PDE4D: variants seen among roughly 807,000 people sequenced by gnomAD.
The protein encoded by PDE4D is phosphodiesterase 4D, also known as 3',5'-cyclic-AMP phosphodiesterase 4D.
PDE4D carries 24 observed loss-of-function variants against 87.4 expected under a neutral mutation model. The observed-to-expected ratio is 0.27, with a 90% CI of 0.20 to 0.39. PDE4D has a LOEUF of 0.39. Ranked by LOEUF, PDE4D falls within the 10% of genes least tolerant of loss-of-function variation. PDE4D has a pLI of 1.00. For missense variants in PDE4D, 714 were observed against 1,041.0 expected, an observed-to-expected ratio of 0.69 and a Z score of 4.32; for synonymous variants, 384 against 383.2, an observed-to-expected ratio of 1.00 and a Z score of -0.02.
rs188680648 is a variant in PDE4D at position 59,198,091 on chromosome 5, T to C, written c.648-4555A>G. On this transcript the variant is annotated intron_variant, in intron 2 of 14. Coordinates refer to ENST00000340635, the MANE Select transcript of PDE4D (RefSeq NM_001104631.2). ...CTGGACATTTTGAAATTGTACCGCC[T>C]GGTAATGTGAATTTTGGGTGAGGAT... Among the ~76,000 whole-genome samples, 722 of 152,282 alleles carry C rather than the reference T, an allele frequency of 4.7e-3. 6 individuals are homozygous for C. The highest frequency in any genetic ancestry group is 7.0e-3 in the Non-Finnish European group (474 of 68,022).
chr5:60,044,396 G>A (rs913444964), intron 2 of PDE4D, among the ~76,000 whole-genome samples: 7 of 151,544 alleles, frequency 4.6e-5, no homozygotes, highest in Non-Finnish European at 8.8e-5. Flanking sequence ...TAAGTTTTAG[G>A]GTACATGTGC....
At chr5:60,165,716 T>C (rs948687261) in intron 2 of PDE4D, among the ~76,000 whole-genome samples, 3 of 149,346 alleles carry the variant, frequency 2.0e-5, no homozygotes, top group Non-Finnish European at 4.5e-5. Context: ...TATGTTTTTA[T>C]ATTATAGATA....
intron 2 of PDE4D, among the ~76,000 whole-genome samples, chr5:60,168,318 G>T (rs1001889589): frequency 6.6e-6 from 1 of 152,212 alleles, no homozygotes; most frequent in African/African-American, 2.4e-5. Flanking sequence ...ACTTGGCATA[G>T]TAATTTCAGG....
At chr5:60,100,404 C>T (rs1776099589) in intron 2 of PDE4D, among the ~76,000 whole-genome samples, 1 of 151,500 alleles carries the variant, frequency 6.6e-6, no homozygotes, top group Non-Finnish European at 1.5e-5. Flanking sequence ...TACCTACCCT[C>T]AAAAATATTA....
intron 3 of PDE4D, among the ~76,000 whole-genome samples, chr5:59,915,629 T>G (rs749401898): frequency 6.6e-6 from 1 of 152,226 alleles, no homozygotes; most frequent in Non-Finnish European, 1.5e-5. Context: ...TCTTGTATTC[T>G]TCACAATAAT....
intron 1 of PDE4D, among the ~76,000 whole-genome samples, chr5:60,445,898 G>GA (rs869266796): frequency 6.6e-6 from 1 of 151,800 alleles, no homozygotes; most frequent in Non-Finnish European, 1.5e-5. Flanking sequence ...AAGAAACTTG[G>GA]AAAAAAATAT....
At chr5:60,331,126 T>C (rs1355181870) in intron 1 of PDE4D, among the ~76,000 whole-genome samples, 4 of 152,208 alleles carry the variant, frequency 2.6e-5, no homozygotes, top group Non-Finnish European at 4.4e-5. Context: ...TGGGAAATTA[T>C]AAAAGCAAAG....
At chr5:59,092,361 T>C (rs1768899593) in intron 5 of PDE4D, among the ~76,000 whole-genome samples, 2 of 152,148 alleles carry the variant, frequency 1.3e-5, no homozygotes, top group African/African-American at 4.8e-5. Flanking sequence ...ATAGATCGTC[T>C]GTGGGTGTAT....
intron 5 of PDE4D, among the ~76,000 whole-genome samples, chr5:59,117,696 A>G (rs1045074388): frequency 6.6e-6 from 1 of 152,208 alleles, no homozygotes; most frequent in Non-Finnish European, 1.5e-5. Context: ...TAAGTGTTAA[A>G]GATTCAAGAA....
intron 1 of PDE4D, among the ~76,000 whole-genome samples, chr5:59,356,261 A>G (rs939835802): frequency 6.6e-5 from 10 of 152,228 alleles, no homozygotes; most frequent in African/African-American, 2.2e-4. Flanking sequence ...TTCCAGAAAC[A>G]AAAGATTATT....
intron 1 of PDE4D, among the ~76,000 whole-genome samples, chr5:60,517,600 C>A (rs1378943323): frequency 6.6e-6 from 1 of 152,042 alleles, no homozygotes; most frequent in African/African-American, 2.4e-5. Flanking sequence ...CTGAGAGCTG[C>A]ACATTTGAAG....
intron 1 of PDE4D, among the ~76,000 whole-genome samples, chr5:59,229,694 G>T (rs1469844732): frequency 6.6e-6 from 1 of 152,144 alleles, no homozygotes; most frequent in East Asian, 1.9e-4. Context: ...ATCTTCATTA[G>T]TTTCACCTCA....
intron 3 of PDE4D, among the ~76,000 whole-genome samples, chr5:59,944,950 A>G (rs1757579174): frequency 6.6e-6 from 1 of 152,212 alleles, no homozygotes; most frequent in Admixed American, 6.5e-5. Context: ...AAGAATATAG[A>G]CTATATAAAG....
intron 2 of PDE4D, among the ~76,000 whole-genome samples, chr5:59,199,929 CACATATAT>C (rs894210526): frequency 1.3e-5 from 2 of 151,508 alleles, no homozygotes; most frequent in Admixed American, 6.6e-5. Context: ...TACACACAGG[CACATATAT>C]ACATATATAC....
At chr5:60,415,962 G>A (rs933431813) in intron 1 of PDE4D, among the ~76,000 whole-genome samples, 1 of 152,184 alleles carries the variant, frequency 6.6e-6, no homozygotes, top group Non-Finnish European at 1.5e-5. Flanking sequence ...TGTAGCTCAA[G>A]GTTTGTAAAC....
intron 1 of PDE4D, among the ~76,000 whole-genome samples, chr5:59,513,484 C>T (rs1810602914): frequency 6.6e-6 from 1 of 152,098 alleles, no homozygotes; most frequent in Non-Finnish European, 1.5e-5. Flanking sequence ...TCAGAGCTGA[C>T]AGAGAGGTGA....
intron 1 of PDE4D, among the ~76,000 whole-genome samples, chr5:60,378,775 C>G (rs1418503428): frequency 1.3e-5 from 2 of 152,016 alleles, no homozygotes; most frequent in Non-Finnish European, 2.9e-5. Flanking sequence ...ATCACTTGAA[C>G]CCGGAAGGCA....
chr5:60,253,338 C>G (rs1487301824), intron 1 of PDE4D, among the ~76,000 whole-genome samples: 1 of 151,832 alleles, frequency 6.6e-6, no homozygotes, highest in Non-Finnish European at 1.5e-5. Flanking sequence ...CCCAGGCATG[C>G]TAGAAGTTGT....
At chr5:59,536,898 C>CAGG in intron 1 of PDE4D, among the ~76,000 whole-genome samples, 6 of 152,168 alleles carry the variant, frequency 3.9e-5, no homozygotes, top group Non-Finnish European at 8.8e-5. Flanking sequence ...AAATATAATA[C>CAGG]TGTTCCACAT....
Sources: gnomAD v4.1 joint callset for allele counts (sites outside exome capture counted in the v4.1 genomes callset) on GRCh38, gnomAD v4.1.1 for gene constraint, MANE v1.5 for transcripts, NCBI Gene and HGNC (gene_info 2026-07-23, HGNC 2026-07-21) for gene names.